JAK1: variants seen among roughly 807,000 people sequenced by gnomAD.
JAK1 encodes Janus kinase 1, also known as tyrosine-protein kinase JAK1.
In JAK1, 16 loss-of-function variants were observed where a neutral mutation model predicts 136.6. The observed-to-expected ratio is 0.12, with a 90% CI of 0.08 to 0.18. The LOEUF (loss-of-function observed/expected upper bound fraction) is 0.18. Among genes scored for constraint, JAK1 ranks in the 10% least tolerant of loss-of-function variants. JAK1 has a pLI of 1.00. For synonymous variants in JAK1, 492 were observed against 519.5 expected (o/e 0.95, Z 0.72); for missense variants, 859 against 1,450.1 (o/e 0.59, Z 6.62).
intron 9 of JAK1, among the ~76,000 whole-genome samples, chr1:64,858,717 A>C (rs1656102507): frequency 1.3e-5 from 2 of 152,230 alleles, no homozygotes; most frequent in Admixed American, 6.5e-5. Flanking sequence ...CTGGGAGGTG[A>C]GGGTAGTCAG....
rs1026413757 is a variant in JAK1, at chr1:64,850,816, C to A, written c.1743G>T (p.Lys581Asn). 6.2e-7 allele frequency: 1 copy of A among 1,613,814 alleles called. No homozygotes were observed. The highest frequency in any genetic ancestry group is 8.5e-7 in the Non-Finnish European group (1 of 1,179,700). The change falls in exon 12 of 25, where the codon AAG becomes AAT. Residue 581 changes from lysine (K) to asparagine (N), a missense_variant. Physicochemically the swap from Lys to Asn is moderately conservative, Grantham distance 94 (BLOSUM62 0). Transcript: ENST00000342505. The stretch of plus-strand genomic sequence containing the variant: ...AGCCGTGACTCACCTGCACCAGATC[C>A]TTCTTGAGGATCCGATCGAAACTCA... The part of the protein sequence containing the change: ...SQLSFDRILK[K>N]DLVQGEHLGR...
intron 1 of JAK1, among the ~76,000 whole-genome samples, chr1:64,954,637 T>C (rs1045790135): frequency 6.6e-6 from 1 of 152,228 alleles, no homozygotes; most frequent in East Asian, 1.9e-4. Flanking sequence ...CAACTATTTA[T>C]TATTTATATT....
chr1:64,850,241 GGCA>G (rs954455237), intron 12 of JAK1, among the ~76,000 whole-genome samples: 3 of 152,224 alleles, frequency 2.0e-5, no homozygotes, highest in African/African-American at 7.2e-5. Context: ...ACAGCTCCAG[GGCA>G]GCCCCTGGGG....
intron 8 of JAK1, among the ~76,000 whole-genome samples, chr1:64,862,883 G>A (rs1204709846): frequency 6.6e-6 from 1 of 152,186 alleles, no homozygotes; most frequent in Non-Finnish European, 1.5e-5. Flanking sequence ...CATGCCTCTT[G>A]ATTAGTCTCA....
intron 9 of JAK1, 46 bp downstream of exon 9, chr1:64,860,059 G>C (rs771411314): frequency 7.1e-7 from 1 of 1,407,190 alleles, no homozygotes. Context: ...ACTAAAACAC[G>C]GGCTCTCTGC....
At chr1:64,957,007 G>A (rs1646199404) in intron 1 of JAK1, among the ~76,000 whole-genome samples, 1 of 152,184 alleles carries the variant, frequency 6.6e-6, no homozygotes, top group Non-Finnish European at 1.5e-5. Flanking sequence ...AGCATGAACT[G>A]TTTTAGATAA....
intron 1 of JAK1, among the ~76,000 whole-genome samples, chr1:64,915,596 G>GT (rs1232689281): frequency 2.0e-5 from 3 of 152,322 alleles, no homozygotes; most frequent in Admixed American, 6.5e-5. Context: ...GAAACGTTTT[G>GT]TATCTGTGCT....
intron 1 of JAK1, among the ~76,000 whole-genome samples, chr1:64,888,344 G>A (rs1644883519): frequency 6.6e-6 from 1 of 152,124 alleles, no homozygotes; most frequent in South Asian, 2.1e-4. Flanking sequence ...ACTACGTCCA[G>A]CTATTTTTTG....
rs11349903 is a variant in JAK1 at position 65,024,660 on chromosome 1, CAAAAAAAAA to C, written c.-78+19811_-78+19819del. 1.6e-4 allele frequency among the ~76,000 whole-genome samples: 11 copies of C among 69,882 alleles called. No individual in the cohort carries two copies. In the East Asian group the frequency reaches 2.2e-3, roughly 14 times the overall value. The allele number at this position is 69,882 out of a possible 152,430, so 45.8% of individuals were successfully genotyped here. A position where few individuals can be genotyped will look rare whatever the true frequency, so the allele number is the denominator to read the frequency against. On this transcript the variant is annotated intron_variant, in intron 2 of 25. Transcript: ENST00000671954. ...GCTTCAAGAATGGCCTGGTCCAAAG[CAAAAAAAAA>C]AAAAAAAAAAAGAAAGAAAAAAAAA...
intron 2 of JAK1, among the ~76,000 whole-genome samples, chr1:64,980,472 C>A (rs1229124700): frequency 6.6e-6 from 1 of 151,270 alleles, no homozygotes; most frequent in African/African-American, 2.4e-5. Context: ...TGCAGATTGC[C>A]CCCCAAAATT....
At chr1:65,065,631 T>C (rs914355941) in intron 1 of JAK1, among the ~76,000 whole-genome samples, 3 of 151,166 alleles carry the variant, frequency 2.0e-5, no homozygotes, top group African/African-American at 7.3e-5. Flanking sequence ...CTCTGTGTTT[T>C]CCTCCCTTTT....
At chr1:64,848,535 C>A (rs1342952807) in intron 12 of JAK1, among the ~76,000 whole-genome samples, 1 of 152,126 alleles carries the variant, frequency 6.6e-6, no homozygotes, top group Non-Finnish European at 1.5e-5. Flanking sequence ...GGAACAATAC[C>A]CCCAGATGAG....
At chr1:64,911,420 C>T (rs1454923703) in intron 1 of JAK1, among the ~76,000 whole-genome samples, 2 of 152,218 alleles carry the variant, frequency 1.3e-5, no homozygotes, top group Middle Eastern at 6.3e-3. Context: ...GTGTTCATCA[C>T]AGCTTTACAT....
intron 21 of JAK1, 57 bp from the exon 22 acceptor site, chr1:64,838,161 TC>T: frequency 6.8e-7 from 1 of 1,472,080 alleles, no homozygotes; most frequent in Non-Finnish European, 9.2e-7. Context: ...GATTGTATTA[TC>T]TATCACTTCA....
chr1:65,067,194 G>A (rs1230552837), intron 1 of JAK1, among the ~76,000 whole-genome samples: 1 of 149,972 alleles, frequency 6.7e-6, no homozygotes, highest in Non-Finnish European at 1.5e-5. Context: ...ACCCCGAGGT[G>A]GCGAACTGCG....
At chr1:64,878,645 T>C (rs1644720500) in intron 4 of JAK1, among the ~76,000 whole-genome samples, 1 of 147,230 alleles carries the variant, frequency 6.8e-6, no homozygotes, top group African/African-American at 2.5e-5. Flanking sequence ...TATGTATATA[T>C]GCTGATAGTA....
intron 8 of JAK1, among the ~76,000 whole-genome samples, chr1:64,864,046 T>C (rs1268141390): frequency 6.6e-6 from 1 of 152,214 alleles, no homozygotes; most frequent in East Asian, 1.9e-4. Flanking sequence ...AGAGTGACTG[T>C]CTGCCCTAAA....
At chr1:64,967,892 A>G (rs1466286511), upstream of JAK1, among the ~76,000 whole-genome samples, 1 of 152,134 alleles carries the variant, frequency 6.6e-6, no homozygotes, top group Non-Finnish European at 1.5e-5. Context: ...TTTGTGTGCA[A>G]GTCTTGTCTC....
At chr1:64,973,223 AAAAGAAAG>A (rs532108615) in intron 2 of JAK1, 1 of 150,782 alleles carries the variant, frequency 6.6e-6, no homozygotes, top group Admixed American at 6.6e-5. Flanking sequence ...GAAAGAAAGG[AAAAGAAAG>A]AAAGAAAGAA....
Sources: gnomAD v4.1 joint callset for allele counts (sites outside exome capture counted in the v4.1 genomes callset) on GRCh38, gnomAD v4.1.1 for gene constraint, MANE v1.5 for transcripts, NCBI Gene and HGNC (gene_info 2026-07-23, HGNC 2026-07-21) for gene names.